Variants in FMN1 observed in about 807,000 individuals in gnomAD.
The protein encoded by FMN1 is formin-1.
FMN1 carries 110 observed loss-of-function variants against 132.4 expected under a neutral mutation model. The ratio of observed to expected loss-of-function variants is 0.83; its 90% CI spans 0.71 to 0.97. The LOEUF (loss-of-function observed/expected upper bound fraction) is 0.97. Ranked by LOEUF, FMN1 falls within the 50% of genes least tolerant of loss-of-function variation. FMN1 has a pLI of 0.00. For missense variants in FMN1, 1,792 were observed against 1,705.3 expected, an observed-to-expected ratio of 1.05 and a Z score of -0.90; for synonymous variants, 722 against 651.7, an observed-to-expected ratio of 1.11 and a Z score of -1.64.
chr15:33,102,833 TCA>T (rs906267014), intron 4 of FMN1, among the ~76,000 whole-genome samples: 1 of 152,150 alleles, frequency 6.6e-6, no homozygotes, highest in African/African-American at 2.4e-5. Flanking sequence ...ATATGGGTAT[TCA>T]GTGTAAAGAA....
At chr15:33,014,860 A>G (rs2034946203) in intron 6 of FMN1, among the ~76,000 whole-genome samples, 1 of 152,244 alleles carries the variant, frequency 6.6e-6, no homozygotes, top group South Asian at 2.1e-4. Context: ...GGCATGCAGT[A>G]ACCACTGCTG....
intron 4 of FMN1, among the ~76,000 whole-genome samples, chr15:33,125,554 A>G (rs1366568067): frequency 6.6e-6 from 1 of 152,152 alleles, no homozygotes; most frequent in Non-Finnish European, 1.5e-5. Context: ...AAAAATTCAG[A>G]ATAGGTGGGG....
chr15:32,961,603 G>A (rs1393084381), intron 9 of FMN1, among the ~76,000 whole-genome samples: 2 of 152,120 alleles, frequency 1.3e-5, no homozygotes, highest in Non-Finnish European at 2.9e-5. Flanking sequence ...CACTAAAACA[G>A]GGAAATGGTA....
intron 9 of FMN1, among the ~76,000 whole-genome samples, chr15:32,960,095 A>G (rs1268264750): frequency 6.6e-6 from 1 of 152,232 alleles, no homozygotes; most frequent in East Asian, 1.9e-4. Context: ...GCTTACCTCC[A>G]TCTCATATGA....
chr15:32,899,800 A>G (rs964960498), intron 14 of FMN1, 179 bp downstream of exon 14: 1 of 689,232 alleles, frequency 1.5e-6, no homozygotes, highest in African/African-American at 1.8e-5. Flanking sequence ...AAAAAAACCA[A>G]ACAAAACTCT....
intron 4 of FMN1, among the ~76,000 whole-genome samples, chr15:33,095,198 A>T (rs940951062): frequency 2.6e-5 from 4 of 152,066 alleles, no homozygotes; most frequent in African/African-American, 9.7e-5. Flanking sequence ...AAATACAAAA[A>T]GTAACTGGGT....
At chr15:32,903,453 T>A (rs547496324) in intron 12 of FMN1, among the ~76,000 whole-genome samples, 4 of 152,338 alleles carry the variant, frequency 2.6e-5, no homozygotes, top group Admixed American at 2.6e-4. Flanking sequence ...ACTGACAGCA[T>A]TTGATCCTGT....
Position 33,079,974 on chromosome 15 carries a change from T to G in FMN1, c.2043+8825A>C, listed in dbSNP as rs549466608. On this transcript the variant is annotated intron_variant, in intron 5 of 20. Transcript: ENST00000616417. Reference sequence around the variant, plus strand: ...TGATCACTTATAAGCAACAGACACATGATCTGTCTCTCATTCTTTTTCTCT... The same window carrying G: ...TGATCACTTATAAGCAACAGACACAGGATCTGTCTCTCATTCTTTTTCTCT... Among the ~76,000 whole-genome samples the G allele has an allele frequency of 2.0e-5, 3 of 152,338 alleles. No homozygotes were observed. In the East Asian group the frequency reaches 5.8e-4, roughly 29 times the overall value.
intron 14 of FMN1, among the ~76,000 whole-genome samples, chr15:32,899,579 T>G (rs886981770): frequency 6.6e-6 from 1 of 151,948 alleles, no homozygotes; most frequent in African/African-American, 2.4e-5. Flanking sequence ...TGGCAAAAAA[T>G]TGGTGATTCA....
chr15:32,961,431 G>C (rs971075193), intron 9 of FMN1, among the ~76,000 whole-genome samples: 9 of 152,128 alleles, frequency 5.9e-5, no homozygotes, highest in African/African-American at 2.2e-4. Context: ...ACCGTACCCG[G>C]CCTGTAATCC....
chr15:32,916,068 A>T (rs1474927446), intron 10 of FMN1, among the ~76,000 whole-genome samples: 2 of 152,204 alleles, frequency 1.3e-5, no homozygotes, highest in East Asian at 3.8e-4. Flanking sequence ...TCATTAGAGT[A>T]GTGTTTCGCC....
chr15:32,849,579 C>T (rs2141255736), intron 17 of FMN1, among the ~76,000 whole-genome samples: 1 of 82,064 alleles, frequency 1.2e-5, no homozygotes, highest in East Asian at 2.6e-4. Flanking sequence ...ACGCTCTTTG[C>T]AGGAATTTCT....
Position 33,154,206 on chromosome 15 carries a change from G to A in FMN1, c.709C>T (p.Pro237Ser). The change falls in exon 4 of 21, where the codon CCC (proline) becomes TCC (serine). Residue 237 changes from proline (P) to serine (S), a missense_variant. Physicochemically the swap from Pro to Ser is moderately conservative, Grantham distance 74. Transcript: ENST00000616417. ...ACSLQRRESC[P>S]PDIPKTPDTD... Reference sequence around the variant, plus strand: ...TCTGGCGTCTTGGGAATATCTGGGGGGCAGCTCTCTCTCCTCTGCAGGGAG... The same window carrying A: ...TCTGGCGTCTTGGGAATATCTGGGGAGCAGCTCTCTCTCCTCTGCAGGGAG... The A allele has an allele frequency of 6.5e-7, 1 of 1,536,276 alleles. No homozygotes were observed. Among genetic ancestry groups the A allele is most frequent in the South Asian group, 1.2e-5 (1 of 84,042 alleles).
At chr15:33,107,081 T>C (rs1367716245) in intron 4 of FMN1, among the ~76,000 whole-genome samples, 1 of 152,088 alleles carries the variant, frequency 6.6e-6, no homozygotes, top group Non-Finnish European at 1.5e-5. Context: ...TCCCCCAGTC[T>C]TTCCCACCTA....
chr15:32,781,380 C>T (rs1163306958), intron 19 of FMN1, among the ~76,000 whole-genome samples: 1 of 152,150 alleles, frequency 6.6e-6, no homozygotes, highest in Non-Finnish European at 1.5e-5. Context: ...TTTAGTAATC[C>T]CATCTCCCTG....
At chr15:33,122,400 G>A (rs999949065) in intron 4 of FMN1, among the ~76,000 whole-genome samples, 1 of 152,124 alleles carries the variant, frequency 6.6e-6, no homozygotes, top group Non-Finnish European at 1.5e-5. Context: ...CATGCCTGGT[G>A]GGAAAGTAAG....
At chr15:33,143,327 G>T (rs865855918) in intron 4 of FMN1, among the ~76,000 whole-genome samples, 47 of 152,108 alleles carry the variant, frequency 3.1e-4, no homozygotes, top group African/African-American at 1.0e-3. Flanking sequence ...GTTTAACATA[G>T]GAAAAATGTG....
intron 6 of FMN1, among the ~76,000 whole-genome samples, chr15:33,040,849 G>A (rs1467549648): frequency 6.6e-6 from 1 of 152,172 alleles, no homozygotes; most frequent in Non-Finnish European, 1.5e-5. Flanking sequence ...TAGCACAGAG[G>A]ACAGATCTGA....
intron 10 of FMN1, among the ~76,000 whole-genome samples, chr15:32,911,797 C>A (rs2060567611): frequency 6.6e-6 from 1 of 151,796 alleles, no homozygotes; most frequent in African/African-American, 2.4e-5. Context: ...CAGATTCCAC[C>A]AAGACAAAGG....
Sources: gnomAD v4.1 joint callset for allele counts (sites outside exome capture counted in the v4.1 genomes callset) on GRCh38, gnomAD v4.1.1 for gene constraint, MANE v1.5 for transcripts, NCBI Gene and HGNC (gene_info 2026-07-23, HGNC 2026-07-21) for gene names.